Variants in TIAM2 observed in about 807,000 individuals in gnomAD.
The protein encoded by TIAM2 is TIAM Rac1 associated GEF 2, also known as rho guanine nucleotide exchange factor TIAM2.
TIAM2 carries 80 observed loss-of-function variants against 152.9 expected under a neutral mutation model. The observed-to-expected ratio is 0.52, with a 90% CI of 0.44 to 0.63. The LOEUF (loss-of-function observed/expected upper bound fraction) is 0.63, where lower values mean the gene tolerates loss of function less well. Among genes scored for constraint, TIAM2 ranks in the 30% least tolerant of loss-of-function variants. The pLI is 0.00. For synonymous variants in TIAM2, 804 were observed against 838.0 expected, an observed-to-expected ratio of 0.96 and a Z score of 0.70; for missense variants, 1,965 against 2,120.1, an observed-to-expected ratio of 0.93 and a Z score of 1.44.
At chr6:155,107,429 T>C (rs1370253070) in intron 2 of TIAM2, among the ~76,000 whole-genome samples, 1 of 152,178 alleles carries the variant, frequency 6.6e-6, no homozygotes, top group Non-Finnish European at 1.5e-5. Flanking sequence ...TCTCCAAAAT[T>C]TGTACGTATT....
chr6:155,173,772 A>G (rs906040235), intron 9 of TIAM2, among the ~76,000 whole-genome samples: 5 of 152,222 alleles, frequency 3.3e-5, no homozygotes, highest in Non-Finnish European at 7.3e-5. Context: ...CTCTCCTGTG[A>G]GCTGGGCTTT....
chr6:155,137,635 A>G, intron 5 of TIAM2, 23 bp downstream of exon 5: 1 of 1,532,080 alleles, frequency 6.5e-7, no homozygotes, highest in Non-Finnish European at 8.7e-7. Context: ...TCACCTGCTG[A>G]GGCCACTGGG....
chr6:155,088,572 T>C (rs2114976546), intron 1 of TIAM2, among the ~76,000 whole-genome samples: 1 of 122,118 alleles, frequency 8.2e-6, no homozygotes, highest in South Asian at 2.5e-4. Context: ...GTGTAGATCA[T>C]ATTTCCATTT....
intron 1 of TIAM2, among the ~76,000 whole-genome samples, chr6:155,028,572 TAC>T (rs1166863873): frequency 1.4e-4 from 20 of 138,108 alleles, no homozygotes; most frequent in Non-Finnish European, 2.3e-4. Context: ...TATACTGTGT[TAC>T]ATATATACTA....
At chr6:155,232,175 T>C (rs1034043537) in intron 15 of TIAM2, among the ~76,000 whole-genome samples, 1 of 152,186 alleles carries the variant, frequency 6.6e-6, no homozygotes, top group African/African-American at 2.4e-5. Context: ...CCAGTGATAT[T>C]TGGGGATAAT....
chr6:155,256,669 C>A lies in TIAM2; in HGVS notation c.4654C>A (p.Pro1552Thr), dbSNP rs143644361. The change falls in exon 27 of 27, where the codon CCC (proline) becomes ACC (threonine). Residue 1552 changes from proline (P) to threonine (T), a missense_variant. Transcript: ENST00000682666. ...CACTTCTCCCGGGAAATACCCACAC[C>A]CCGGCTTGGCAGATTTTGCCGACAA... ...KSTSPGKYPHPGLADFADNLI... is the reference protein window; with the variant it reads ...KSTSPGKYPHTGLADFADNLI... The A allele has an allele frequency of 5.1e-4, 831 of 1,614,152 alleles. 11 individuals carry two copies. The Admixed American group carries it at 0.013, about 25-fold the overall frequency.
In TIAM2 at chr6:154,995,605, C is replaced by T. The variant is rs1018142832; in HGVS notation, c.-209+113C>T. ...GCGGCCGGCGGTCCCCTCCCTTCCCCTTTGTTGGCCGCCCCTCTCTGCCCC... is the reference window on the plus strand; with the variant it reads ...GCGGCCGGCGGTCCCCTCCCTTCCCTTTTGTTGGCCGCCCCTCTCTGCCCC... On this transcript the variant is annotated intron_variant, in intron 1 of 26. Coordinates refer to ENST00000682666, the MANE Select transcript of TIAM2 (RefSeq NM_012454.4). The surrounding 1 kb of genome is among the most constrained non-coding windows in gnomAD (Gnocchi z 5.2). 28 of 152,120 alleles carry T rather than the reference C, an allele frequency of 1.8e-4. No individual in the cohort carries two copies. Among genetic ancestry groups the T allele is most frequent in the African/African-American group, 6.5e-4 (27 of 41,530 alleles). The allele number at this position is 152,120 out of a possible 1,614,324, so 9.4% of individuals were successfully genotyped here.
intron 10 of TIAM2, among the ~76,000 whole-genome samples, chr6:155,178,209 C>T (rs1780803461): frequency 6.7e-6 from 1 of 149,580 alleles, no homozygotes; most frequent in Non-Finnish European, 1.5e-5. Flanking sequence ...GTCAATTTGA[C>T]CCAGTTAGAG....
At chr6:155,161,191 G>A (rs1295797621) in intron 7 of TIAM2, among the ~76,000 whole-genome samples, 3 of 149,626 alleles carry the variant, frequency 2.0e-5, no homozygotes, top group African/African-American at 4.9e-5. Context: ...GCTCATTCCC[G>A]ATCTGAGCCG....
In TIAM2 at chr6:155,002,343, C is replaced by T. The variant is rs533615936; in HGVS notation, c.-209+6851C>T. 3.3e-3 allele frequency among the ~76,000 whole-genome samples: 509 copies of T among 152,146 alleles called. 6 individuals carry two copies. Among genetic ancestry groups the T allele is most frequent in the African/African-American group, 0.011 (471 of 41,520 alleles). ...GGAGGATTGTTTGAACCCAGGAGGT[C>T]GAGGCAACAGTGAGCCATGATCACG... On this transcript the variant is annotated intron_variant, in intron 1 of 26. Coordinates refer to ENST00000682666, the MANE Select transcript of TIAM2 (RefSeq NM_012454.4).
intron 1 of TIAM2, among the ~76,000 whole-genome samples, chr6:155,071,963 G>A (rs1481067973): frequency 5.9e-5 from 9 of 152,046 alleles, no homozygotes; most frequent in African/African-American, 1.7e-4. Context: ...TAGGGAAGAC[G>A]TTTTAGAATG....
intron 1 of TIAM2, chr6:155,014,077 C>G (rs1486231944): frequency 1.3e-5 from 2 of 152,120 alleles, no homozygotes; most frequent in African/African-American, 4.8e-5. Context: ...ATTTTCTTTG[C>G]TTTCACACAA....
chr6:155,041,631 TCA>T (rs35046684), intron 1 of TIAM2, among the ~76,000 whole-genome samples: 8,780 of 152,288 alleles, frequency 0.058, 507 homozygotes, highest in African/African-American at 0.15. Flanking sequence ...TTTGATTTGA[TCA>T]CAGTTGTTTA....
At chr6:155,166,073 A>T (rs73795330) in intron 9 of TIAM2, among the ~76,000 whole-genome samples, 15,849 of 152,154 alleles carry the variant, frequency 0.1, 905 homozygotes, top group Middle Eastern at 0.16. Context: ...CTGTTGATAG[A>T]GCTGTGGATT....
chr6:155,123,293 C>CT (rs1779216303), intron 2 of TIAM2, among the ~76,000 whole-genome samples: 1 of 151,960 alleles, frequency 6.6e-6, no homozygotes. Flanking sequence ...TCCCTGTTTG[C>CT]TTTTCTCTAT....
chr6:155,134,199 G>A (rs144666831), intron 4 of TIAM2, among the ~76,000 whole-genome samples: 54 of 152,016 alleles, frequency 3.6e-4, no homozygotes, highest in African/African-American at 1.3e-3. Context: ...AGTTTCATCC[G>A]CATAACAGAT....
At position 155,179,144 on chromosome 6, in the gene TIAM2, G is replaced by A. The variant is rs1392090837; in HGVS notation, c.2628+1G>A. Reference sequence around the variant, plus strand: ...ACCATATGAATATATGCAACAACAGGTAAGTGTGCACTAGCTTTAGGAAGG... The same window carrying A: ...ACCATATGAATATATGCAACAACAGATAAGTGTGCACTAGCTTTAGGAAGG... On this transcript the variant is annotated splice_donor_variant, in intron 11 of 26. Coordinates refer to ENST00000682666, the MANE Select transcript of TIAM2 (RefSeq NM_012454.4). LOFTEE classifies it high-confidence loss of function. 1 of 1,610,012 alleles carries A rather than the reference G, an allele frequency of 6.2e-7. No homozygotes were observed. The highest frequency in any genetic ancestry group is 8.5e-7 in the Non-Finnish European group (1 of 1,177,054).
At chr6:155,054,985 T>C (rs752480197) in intron 1 of TIAM2, among the ~76,000 whole-genome samples, 3 of 152,102 alleles carry the variant, frequency 2.0e-5, no homozygotes, top group Non-Finnish European at 4.4e-5. Context: ...TTTTTCCTAG[T>C]TTTTGTGTGT....
At chr6:155,253,881 C>T (rs1783831231) in intron 24 of TIAM2, 92 bp from the exon 25 acceptor site, 4 of 928,730 alleles carry the variant, frequency 4.3e-6, no homozygotes, top group Non-Finnish European at 6.5e-6. Context: ...ATTAGACTTT[C>T]TTAACTGATG....
Sources: gnomAD v4.1 joint callset for allele counts (sites outside exome capture counted in the v4.1 genomes callset) on GRCh38, gnomAD v4.1.1 for gene constraint, Gnocchi (gnomAD v3.1) non-coding constraint, MANE v1.5 for transcripts, NCBI Gene and HGNC (gene_info 2026-07-23, HGNC 2026-07-21) for gene names.